Variants in TMIGD3 observed in about 807,000 individuals in gnomAD.
TMIGD3 encodes transmembrane and immunoglobulin domain containing 3.
TMIGD3 carries 21 observed loss-of-function variants against 28.1 expected under a neutral mutation model. The observed-to-expected ratio is 0.75, with a 90% CI of 0.53 to 1.08. The LOEUF (loss-of-function observed/expected upper bound fraction) is 1.08. TMIGD3 is among the 50% of genes least tolerant of loss of function. The probability of loss-of-function intolerance (pLI) is 0.00; values close to 1 mark genes in which losing one functional copy is unlikely to be tolerated. For synonymous variants in TMIGD3, 151 were observed against 162.1 expected, an observed-to-expected ratio of 0.93 and a Z score of 0.52; for missense variants, 416 against 435.6, an observed-to-expected ratio of 0.96 and a Z score of 0.40.
intron 1 of TMIGD3, among the ~76,000 whole-genome samples, chr1:111,494,685 T>A (rs1182529724): frequency 1.3e-5 from 2 of 152,124 alleles, no homozygotes; most frequent in Non-Finnish European, 2.9e-5. Context: ...CCCAAATAGC[T>A]AAGGCAATCC....
intron 3 of TMIGD3, among the ~76,000 whole-genome samples, chr1:111,488,126 A>C (rs1042987165): frequency 1.3e-5 from 2 of 152,188 alleles, no homozygotes; most frequent in South Asian, 4.1e-4. Context: ...CTATTAAATT[A>C]TTTAAGTTGA....
chr1:111,546,811 G>A (rs1446618468), intron 1 of TMIGD3, among the ~76,000 whole-genome samples: 1 of 152,050 alleles, frequency 6.6e-6, no homozygotes, highest in African/African-American at 2.4e-5. Context: ...TGGATCATAT[G>A]GTAATTCTAT....
At chr1:111,556,748 G>A (rs1657506130) in intron 1 of TMIGD3, among the ~76,000 whole-genome samples, 1 of 152,060 alleles carries the variant, frequency 6.6e-6, no homozygotes, top group African/African-American at 2.4e-5. Flanking sequence ...GGGAGGAGTG[G>A]ATAGTTAGTG....
intron 1 of TMIGD3, among the ~76,000 whole-genome samples, chr1:111,527,914 A>C (rs1656325870): frequency 6.6e-6 from 1 of 152,174 alleles, no homozygotes; most frequent in Non-Finnish European, 1.5e-5. Flanking sequence ...CCTGTATCAG[A>C]TATGTCTTTT....
intron 1 of TMIGD3, chr1:111,500,447 T>A (rs1205932500): frequency 1.2e-6 from 2 of 1,614,038 alleles, no homozygotes; most frequent in Non-Finnish European, 1.7e-6. Context: ...TACTCTGAGG[T>A]CAGTTTCATG....
chr1:111,488,648 T>C, intron 3 of TMIGD3, 29 bp downstream of exon 3: 1 of 1,580,696 alleles, frequency 6.3e-7, no homozygotes, highest in South Asian at 1.1e-5. Context: ...GTGGGTTACA[T>C]CCAGCCAGAC....
chr1:111,506,243 C>A (rs1405886598), upstream of TMIGD3, among the ~76,000 whole-genome samples: 1 of 152,204 alleles, frequency 6.6e-6, no homozygotes, highest in East Asian at 1.9e-4. Context: ...TGATGCCTGG[C>A]AGATCATGGG....
intron 1 of TMIGD3, among the ~76,000 whole-genome samples, chr1:111,530,392 T>C (rs1251097755): frequency 6.6e-6 from 1 of 152,192 alleles, no homozygotes; most frequent in Non-Finnish European, 1.5e-5. Flanking sequence ...TATTTACCTA[T>C]ATATTTACCA....
At chr1:111,520,382 A>T (rs1656017609) in intron 1 of TMIGD3, among the ~76,000 whole-genome samples, 1 of 152,238 alleles carries the variant, frequency 6.6e-6, no homozygotes, top group Admixed American at 6.5e-5. Context: ...ACAAGATCAT[A>T]AAATCAACAA....
At position 111,483,706 on chromosome 1, in the gene TMIGD3, G is replaced by C. The variant is rs1388753283; in HGVS notation, c.1025C>G (p.Ala342Gly). 6.2e-7 allele frequency: 1 copy of C among 1,613,820 alleles called. No homozygotes were observed. Among genetic ancestry groups the C allele is most frequent in the Non-Finnish European group, 8.5e-7 (1 of 1,179,718 alleles). ...FSRVLTPKEMAPTEQM is the reference protein window; with the variant it reads ...FSRVLTPKEMGPTEQM ...CTTCAGTCACATCTGTTCAGTAGGA[G>C]CCATTTCCTTTGGAGTCAGGACACG... Residue 342 changes from alanine to glycine, a missense_variant, in exon 6 of 6, where the codon GCT (alanine) becomes GGT (glycine). Transcript: ENST00000369716.
intron 1 of TMIGD3, among the ~76,000 whole-genome samples, chr1:111,523,624 A>C (rs1481484135): frequency 6.6e-6 from 1 of 152,194 alleles, no homozygotes; most frequent in African/African-American, 2.4e-5. Context: ...CAGTAAAACT[A>C]TATGGGCTTC....
At chr1:111,513,784 T>A (rs1265103242) in intron 1 of TMIGD3, among the ~76,000 whole-genome samples, 1 of 152,116 alleles carries the variant, frequency 6.6e-6, no homozygotes, top group Non-Finnish European at 1.5e-5. Context: ...TTGTGTTATC[T>A]CGGAGTTGGC....
chr1:111,519,656 T>C (rs898374214), intron 1 of TMIGD3, among the ~76,000 whole-genome samples: 1 of 151,744 alleles, frequency 6.6e-6, no homozygotes, highest in Non-Finnish European at 1.5e-5. Flanking sequence ...ATCATTTTTT[T>C]TGTTCTCCCT....
chr1:111,516,297 G>A (rs140579468), intron 1 of TMIGD3, among the ~76,000 whole-genome samples: 98 of 152,346 alleles, frequency 6.4e-4, no homozygotes, highest in African/African-American at 1.7e-3. Context: ...CTCCAGGTCA[G>A]TCAGGAGGAG....
At chr1:111,536,259 A>G (rs1656637777) in intron 1 of TMIGD3, among the ~76,000 whole-genome samples, 2 of 151,878 alleles carry the variant, frequency 1.3e-5, no homozygotes, top group South Asian at 4.2e-4. Flanking sequence ...GAAAAAAAAC[A>G]CTGATATCAA....
intron 1 of TMIGD3, among the ~76,000 whole-genome samples, chr1:111,538,057 T>C (rs994277977): frequency 2.6e-5 from 4 of 152,160 alleles, no homozygotes; most frequent in Non-Finnish European, 5.9e-5. Flanking sequence ...CATTTTCAGT[T>C]TTTAAAAAGA....
At chr1:111,558,348 T>C (rs886480313) in intron 1 of TMIGD3, among the ~76,000 whole-genome samples, 1 of 102,946 alleles carries the variant, frequency 9.7e-6, no homozygotes, top group Non-Finnish European at 1.9e-5. Context: ...CAGCTAATTT[T>C]TCTATTTTTT....
At chr1:111,491,230 G>A (rs528330861) in intron 1 of TMIGD3, among the ~76,000 whole-genome samples, 8 of 152,356 alleles carry the variant, frequency 5.3e-5, no homozygotes, top group East Asian at 1.9e-4. Flanking sequence ...CACGGGTGGC[G>A]CATGCCAGCT....
At chr1:111,527,574 C>T (rs1219846802) in intron 1 of TMIGD3, among the ~76,000 whole-genome samples, 1 of 152,176 alleles carries the variant, frequency 6.6e-6, no homozygotes. Flanking sequence ...TTAGTTTTGT[C>T]AGAAACTGCC....
Sources: allele counts gnomAD v4.1 joint callset (sites outside exome capture counted in the v4.1 genomes callset), GRCh38; gene constraint gnomAD v4.1.1; transcripts MANE v1.5; gene names NCBI Gene and HGNC (gene_info 2026-07-23, HGNC 2026-07-21).